Variants in MYO15A observed in about 807,000 individuals in gnomAD.
MYO15A encodes the protein myosin XVA.
A neutral mutation model predicts 394.6 loss-of-function variants in MYO15A; 308 were observed. That is an observed-to-expected ratio of 0.78 (90% CI 0.71 to 0.86). The LOEUF is 0.86. Among genes scored for constraint, MYO15A ranks in the 40% least tolerant of loss-of-function variants. The pLI is 0.00. For synonymous variants in MYO15A, 1,957 were observed against 2,003.8 expected (o/e 0.98, Z 0.62); for missense variants, 4,606 against 4,799.1 (o/e 0.96, Z 1.19).
Position 18,154,191 on chromosome 17 carries a change from G to T in MYO15A, c.8148+1G>T, listed in dbSNP as rs1342974745. The T allele has an allele frequency of 6.2e-7, 1 of 1,613,946 alleles. No homozygotes were observed. ...GCAGCTTGACCTCCTGTTCCGGCAG[G>T]TGAGGTCCTGTCTCCCCTTTCTGCC... On this transcript the variant is annotated splice_donor_variant, in intron 44 of 65. Transcript: ENST00000647165. LOFTEE classifies it high-confidence loss of function.
At chr17:18,178,433 G>C in intron 65 of MYO15A, 2 of 461,022 alleles carry the variant, frequency 4.3e-6, no homozygotes, top group South Asian at 4.1e-5. Flanking sequence ...AGCCCTGTCT[G>C]TGAGGCAGGC....
chr17:18,116,913 C>G (rs2142230513), intron 1 of MYO15A, among the ~76,000 whole-genome samples: 1 of 129,612 alleles, frequency 7.7e-6, no homozygotes, highest in African/African-American at 3.3e-5. Flanking sequence ...GAGCGAGACT[C>G]TGTCTCAAAA....
At chr17:18,133,583 G>A (rs2046209189) in intron 12 of MYO15A, among the ~76,000 whole-genome samples, 197 bp downstream of exon 12, 1 of 152,090 alleles carries the variant, frequency 6.6e-6, no homozygotes, top group Admixed American at 6.5e-5. Context: ...TGTCTGATAT[G>A]AATTGCAAAT....
intron 65 of MYO15A, among the ~76,000 whole-genome samples, 192 bp downstream of exon 65, chr17:18,174,113 C>T (rs2046981036): frequency 6.6e-6 from 1 of 152,182 alleles, no homozygotes; most frequent in Admixed American, 6.5e-5. Context: ...GCAGTGGGAA[C>T]ACAGGAAAGG....
chr17:18,137,917 T>C (rs1404532696), intron 16 of MYO15A, 198 bp from the exon 17 acceptor site: 1 of 867,252 alleles, frequency 1.2e-6, no homozygotes, highest in Admixed American at 2.3e-5. Flanking sequence ...TCTCCTCTAC[T>C]GGGCTGTCCC....
At position 18,118,694 on chromosome 17, in the gene MYO15A, G is replaced by A; in HGVS notation, c.-107G>A. 1 of 1,561,686 alleles carries A rather than the reference G, an allele frequency of 6.4e-7. No individual in the cohort carries two copies. The highest frequency in any genetic ancestry group is 8.7e-7 in the Non-Finnish European group (1 of 1,150,322). ...CAGTCGGGTCTGCTCACAGCCCGAG[G>A]AGGCCGCGTGTCCAGCCGCGGGCAA... On this transcript the variant is annotated 5_prime_UTR_variant, in exon 2 of 66. Coordinates refer to ENST00000647165, the MANE Select transcript of MYO15A (RefSeq NM_016239.4).
rs1472606827 is a variant in MYO15A at position 18,166,519 on chromosome 17, C to T, written c.9946C>T (p.Gln3316Ter). ...GCTATATGTGACCATGCACTACAAC[C>T]AGGTCAGCACACGTAGGCTTCTCTG... The part of the protein sequence containing the change: ...NELYVTMHYN[Q>*]VLPDYLKGLF... The change falls in exon 61 of 66, where the codon CAG (glutamine) becomes TAG (stop). Residue 3316 changes from glutamine to a stop codon, truncating the protein, a stop_gained and splice_region_variant. Coordinates refer to ENST00000647165, the MANE Select transcript of MYO15A (RefSeq NM_016239.4). LOFTEE classifies it high-confidence loss of function. The T allele has an allele frequency of 6.2e-7, 1 of 1,612,768 alleles. No homozygotes were observed. Among genetic ancestry groups the T allele is most frequent in the Non-Finnish European group, 8.5e-7 (1 of 1,180,030 alleles).
chr17:18,133,262 A>T lies in MYO15A; in HGVS notation c.4358A>T (p.Asp1453Val). 1 of 1,614,160 alleles carries T rather than the reference A, an allele frequency of 6.2e-7. No homozygotes were observed. The highest frequency in any genetic ancestry group is 8.5e-7 in the Non-Finnish European group (1 of 1,180,012). The change falls in exon 12 of 66, where the codon GAT (aspartate) becomes GTT (valine). Residue 1453 changes from aspartate (D) to valine (V), a missense_variant. Asp to Val is a radical substitution (Grantham distance 152, BLOSUM62 -3). Transcript: ENST00000647165. ...GAGATAGCAGGAAAGAGCGATGCAG[A>T]TGACTTTCGCCGGCTCCTGGCTGCC... ...NCEIAGKSDA[D>V]DFRRLLAAME... is the part of the protein sequence containing the mutation.
intron 45 of MYO15A, among the ~76,000 whole-genome samples, 177 bp downstream of exon 45, chr17:18,154,932 T>C (rs2046649053): frequency 6.6e-6 from 1 of 152,228 alleles, no homozygotes; most frequent in Non-Finnish European, 1.5e-5. Context: ...GGGTTGGCAA[T>C]GCCTGACACA....
Position 18,121,469 on chromosome 17 carries a change from C to T in MYO15A, c.2669C>T (p.Pro890Leu). Residue 890 changes from proline (P) to leucine (L), a missense_variant, in exon 2 of 66, where the codon CCC becomes CTC. Pro to Leu is a moderately conservative substitution (Grantham distance 98, BLOSUM62 -3). Transcript: ENST00000647165. The surrounding 1 kb of genome is among the most constrained non-coding windows in gnomAD (Gnocchi z 5.3). ...GCTGTGAAGCCGCAAGTGCGCCTGC[C>T]CTTCCACCGACCGCCCAGGGCCGGG... The part of the protein sequence containing the change: ...TRAVKPQVRL[P>L]FHRPPRAGAW... 6.5e-7 allele frequency: 1 copy of T among 1,550,048 alleles called. No homozygotes were observed. The highest frequency in any genetic ancestry group is 8.7e-7 in the Non-Finnish European group (1 of 1,147,234).
intron 53 of MYO15A, 75 bp from the exon 54 acceptor site, chr17:18,159,200 C>T: frequency 6.4e-7 from 1 of 1,553,918 alleles, no homozygotes; most frequent in Non-Finnish European, 8.9e-7. Flanking sequence ...ATCATATGGC[C>T]TTGGAACACA....
intron 33 of MYO15A, 77 bp from the exon 34 acceptor site, chr17:18,149,139 C>G: frequency 6.3e-7 from 1 of 1,578,754 alleles, no homozygotes; most frequent in Non-Finnish European, 8.6e-7. Context: ...CCACTGAATA[C>G]CAGGGTGCAG....
rs1597811578 is a variant in MYO15A, at chr17:18,158,996, A to G, written c.9155A>G (p.Lys3052Arg). The G allele has an allele frequency of 6.2e-7, 1 of 1,613,820 alleles. No individual in the cohort carries two copies. The highest frequency in any genetic ancestry group is 2.2e-5 in the East Asian group (1 of 44,876). ...TTGGAGGACATGCTTTGCTTCACCA[A>G]GGTGTCCAGTCCCGGACCTCAGTTT... Reference protein sequence around the residue: ...RTLEDMLCFTKTPLQESLIEL... With the variant: ...RTLEDMLCFTRTPLQESLIEL... Residue 3052 changes from lysine to arginine, a missense_variant and splice_region_variant, in exon 53 of 66, where the codon AAG becomes AGG. Lys to Arg is a conservative substitution (Grantham distance 26, BLOSUM62 2). Transcript: ENST00000647165.
intron 1 of MYO15A, chr17:18,109,445 T>C: frequency 6.0e-6 from 1 of 166,270 alleles, no homozygotes; most frequent in South Asian, 1.5e-4. Context: ...TCTGGATCTG[T>C]GGTCAGGATG....
In MYO15A at chr17:18,162,574, T is replaced by C. The variant is rs62073604; in HGVS notation, c.9518-11T>C. The C allele has an allele frequency of 0.18, 298,111 of 1,612,884 alleles. 29,022 individuals are homozygous for C. The highest frequency in any genetic ancestry group is 0.3 in the Middle Eastern group (1,835 of 6,056). On this transcript the variant is annotated splice_polypyrimidine_tract_variant and intron_variant, in intron 57 of 65. Coordinates refer to ENST00000647165, the MANE Select transcript of MYO15A (RefSeq NM_016239.4). ...CACCTTGGGCGAGGCCTGAACTCCC[T>C]GCTTCTGCAGGGATCGCCAAGGCCT... is the stretch of plus-strand genomic sequence containing the variant.
intron 12 of MYO15A, among the ~76,000 whole-genome samples, chr17:18,134,647 C>T (rs980210540): frequency 2.6e-5 from 4 of 152,108 alleles, no homozygotes; most frequent in African/African-American, 9.7e-5. Context: ...TTTTGGGAGG[C>T]CAAGGCAGGT....
In MYO15A at chr17:18,150,788, G is replaced by A. The variant is rs190120222; in HGVS notation, c.7395+23G>A. 1.3e-6 allele frequency: 2 copies of A among 1,581,728 alleles called. No homozygotes were observed. The highest frequency in any genetic ancestry group is 1.7e-6 in the Non-Finnish European group (2 of 1,163,018). ...CTGGTGAGTGAGGGAGGGACTGCTG[G>A]GGGGTGGAGAATGGACCTGCCTGGT... is the stretch of plus-strand genomic sequence containing the variant. On this transcript the variant is annotated intron_variant, in intron 37 of 65. Transcript: ENST00000647165. The surrounding 1 kb of genome is among the most constrained non-coding windows in gnomAD (Gnocchi z 4.4).
At position 18,167,644 on chromosome 17, in the gene MYO15A, A is replaced by G. The variant is rs374126808; in HGVS notation, c.10003A>G (p.Ser3335Gly). The G allele has an allele frequency of 2.1e-5, 34 of 1,604,092 alleles. No homozygotes were observed. In the African/African-American group the frequency reaches 4.1e-4, roughly 20 times the overall value. The change falls in exon 62 of 66, where the codon AGC becomes GGC. Residue 3335 changes from serine (S) to glycine (G), a missense_variant. Transcript: ENST00000647165. ...CAGCAGTGTGCCGGCCAGCCGGCCC[A>G]GCGAGCAGCTGCTGCAGCAGGTGTC... is the stretch of plus-strand genomic sequence containing the variant. ...LFSSVPASRP[S>G]EQLLQQVSKL...
At chr17:18,138,699 G>T in intron 17 of MYO15A, 112 bp from the exon 18 acceptor site, 2 of 1,439,158 alleles carry the variant, frequency 1.4e-6, no homozygotes, top group South Asian at 1.2e-5. Context: ...GCTGTGAGTT[G>T]TTCCTCTCTG....
Sources: gnomAD v4.1 joint callset for allele counts (sites outside exome capture counted in the v4.1 genomes callset) on GRCh38, gnomAD v4.1.1 for gene constraint, Gnocchi (gnomAD v3.1) non-coding constraint, MANE v1.5 for transcripts, NCBI Gene and HGNC (gene_info 2026-07-23, HGNC 2026-07-21) for gene names.